CAMTA1: variants seen among roughly 807,000 people sequenced by gnomAD.
CAMTA1 encodes the protein calmodulin binding transcription activator 1.
Under a neutral mutation model 170.9 loss-of-function variants are expected in CAMTA1, and 27 were observed. The observed-to-expected ratio is 0.16, with a 90% CI of 0.12 to 0.22. CAMTA1 has a LOEUF of 0.22. Ranked by LOEUF, CAMTA1 falls within the 10% of genes least tolerant of loss-of-function variation. The pLI is 1.00. For missense variants in CAMTA1, 1,619 were observed against 2,217.2 expected, an observed-to-expected ratio of 0.73 and a Z score of 5.42; for synonymous variants, 833 against 891.5, an observed-to-expected ratio of 0.93 and a Z score of 1.17.
chr1:7,453,607 A>T (rs975192119), intron 5 of CAMTA1, among the ~76,000 whole-genome samples: 1 of 152,170 alleles, frequency 6.6e-6, no homozygotes, highest in Non-Finnish European at 1.5e-5. Context: ...GCTGCCCTGC[A>T]CCTGTCCCTG....
intron 3 of CAMTA1, among the ~76,000 whole-genome samples, chr1:6,865,757 ATGAAGAAAG>A (rs569154854): frequency 8.7e-4 from 133 of 152,302 alleles, no homozygotes; most frequent in African/African-American, 3.0e-3. Flanking sequence ...CATGTTGTAA[ATGAAGAAAG>A]TGAGACCTTA....
intron 6 of CAMTA1, among the ~76,000 whole-genome samples, chr1:7,574,378 G>A (rs1363659314): frequency 6.6e-6 from 1 of 152,210 alleles, no homozygotes; most frequent in Non-Finnish European, 1.5e-5. Context: ...GCCCCCATCA[G>A]GGAGCCCTGG....
intron 21 of CAMTA1, among the ~76,000 whole-genome samples, chr1:7,752,889 T>C (rs906924792): frequency 1.3e-5 from 2 of 152,224 alleles, no homozygotes; most frequent in African/African-American, 4.8e-5. Context: ...AATCCTTTAC[T>C]ATGCTAGCGC....
At chr1:7,606,420 T>G (rs975635348) in intron 6 of CAMTA1, among the ~76,000 whole-genome samples, 2 of 152,222 alleles carry the variant, frequency 1.3e-5, no homozygotes, top group African/African-American at 4.8e-5. Context: ...TTTTATCTTT[T>G]CTTGAGGCTC....
chr1:7,515,907 A>G (rs1291159091), intron 6 of CAMTA1, among the ~76,000 whole-genome samples: 4 of 152,232 alleles, frequency 2.6e-5, no homozygotes, highest in African/African-American at 9.6e-5. Flanking sequence ...GAGTGGGAAC[A>G]GCCGATGCAA....
chr1:7,414,075 G>A (rs2090983715), intron 5 of CAMTA1, among the ~76,000 whole-genome samples: 1 of 152,006 alleles, frequency 6.6e-6, no homozygotes, highest in Admixed American at 6.6e-5. Context: ...ATTTGGGTAT[G>A]TTGAACCAGC....
chr1:7,548,698 G>A (rs4908651), intron 6 of CAMTA1, among the ~76,000 whole-genome samples: 1,376 of 92,684 alleles, frequency 0.015, 13 homozygotes, highest in East Asian at 0.034. Context: ...CCCCCTTAGG[G>A]GTGGAGGTGC....
chr1:7,434,270 A>C (rs754542948), intron 5 of CAMTA1, among the ~76,000 whole-genome samples: 9 of 152,144 alleles, frequency 5.9e-5, no homozygotes, highest in Non-Finnish European at 1.0e-4. Flanking sequence ...CTGTGCAAAA[A>C]ATTGCAGGAT....
chr1:7,617,814 G>T (rs983578745), intron 6 of CAMTA1, among the ~76,000 whole-genome samples: 1 of 151,676 alleles, frequency 6.6e-6, no homozygotes, highest in Non-Finnish European at 1.5e-5. Context: ...AAATAGTCCA[G>T]TGAATGGAGA....
chr1:7,472,395 A>G (rs542776269), intron 6 of CAMTA1, among the ~76,000 whole-genome samples: 1 of 152,124 alleles, frequency 6.6e-6, no homozygotes, highest in African/African-American at 2.4e-5. Flanking sequence ...AGCGGTGACC[A>G]TGCCACTGGA....
Position 7,594,079 on chromosome 1 carries a change from C to CAG in CAMTA1, c.511-46306_511-46305dup, listed in dbSNP as rs1300817992. Among the ~76,000 whole-genome samples, 53 of 114,396 alleles carry CAG rather than the reference C, an allele frequency of 4.6e-4. 1 individual carries two copies. The highest frequency in any genetic ancestry group is 1.9e-3 in the African/African-American group (43 of 22,962). 75.0% of individuals were successfully genotyped at this position (114,396 alleles called of 152,430 possible). ...AAAGAGAGAGGGAGGGAGGGAGGGA[C>CAG]AGAGAGAGAGAGAGAGGAAAGAAGA... On this transcript the variant is annotated intron_variant, in intron 6 of 22. Coordinates refer to ENST00000303635, the MANE Select transcript of CAMTA1 (RefSeq NM_015215.4).
At chr1:6,845,575 A>C (rs1657771865) in intron 3 of CAMTA1, among the ~76,000 whole-genome samples, 1 of 152,258 alleles carries the variant, frequency 6.6e-6, no homozygotes, top group Non-Finnish European at 1.5e-5. Flanking sequence ...GCTGTTATTT[A>C]CTTAAACAAA....
At chr1:6,988,715 G>A (rs533832628) in intron 3 of CAMTA1, among the ~76,000 whole-genome samples, 1 of 152,228 alleles carries the variant, frequency 6.6e-6, no homozygotes, top group African/African-American at 2.4e-5. Flanking sequence ...GGGTTGGGCC[G>A]CATGTGGATG....
intron 3 of CAMTA1, among the ~76,000 whole-genome samples, chr1:6,912,643 C>T (rs1042261788): frequency 2.6e-5 from 4 of 152,224 alleles, no homozygotes; most frequent in African/African-American, 4.8e-5. Flanking sequence ...GGATTTTGGT[C>T]GGCCCTCCCA....
In CAMTA1 at chr1:7,724,247, A is replaced by G. The variant is rs139710960; in HGVS notation, c.2915-8201A>G. On this transcript the variant is annotated intron_variant, in intron 11 of 22. Transcript: ENST00000303635. ...TTAGATCCTGGAACAGAAAAAGGAC[A>G]TTCATGGAAAAAGTGCTAAAATCGG... 5.5e-3 allele frequency among the ~76,000 whole-genome samples: 839 copies of G among 152,362 alleles called. 7 individuals carry two copies. The highest frequency in any genetic ancestry group is 0.019 in the African/African-American group (805 of 41,586).
chr1:7,762,159 T>C (rs925870007), intron 22 of CAMTA1, among the ~76,000 whole-genome samples: 1 of 151,882 alleles, frequency 6.6e-6, no homozygotes, highest in African/African-American at 2.4e-5. Flanking sequence ...GTGGAGAAAA[T>C]AAAAGCTAAC....
chr1:7,671,667 G>A (rs1014427721), intron 10 of CAMTA1, among the ~76,000 whole-genome samples: 1 of 152,206 alleles, frequency 6.6e-6, no homozygotes, highest in Non-Finnish European at 1.5e-5. Context: ...CAGAAAAGGT[G>A]CATATAATTT....
At chr1:7,608,822 A>G (rs1557997181) in intron 6 of CAMTA1, among the ~76,000 whole-genome samples, 2 of 152,116 alleles carry the variant, frequency 1.3e-5, no homozygotes. Flanking sequence ...GGAGGGCCCC[A>G]GGGGCCTCAG....
chr1:7,709,343 G>A (rs2096551764), intron 11 of CAMTA1, among the ~76,000 whole-genome samples: 1 of 152,210 alleles, frequency 6.6e-6, no homozygotes, highest in African/African-American at 2.4e-5. Context: ...GATAGGGTGA[G>A]GAGACTGTAA....
Sources: gnomAD v4.1 joint callset for allele counts (sites outside exome capture counted in the v4.1 genomes callset) on GRCh38, gnomAD v4.1.1 for gene constraint, MANE v1.5 for transcripts, NCBI Gene and HGNC (gene_info 2026-07-23, HGNC 2026-07-21) for gene names.